The following EXT2 variants were observed in gnomAD, a reference collection of about 807,000 sequenced individuals.
EXT2 encodes exostosin-2.
EXT2 carries 53 observed loss-of-function variants against 81.6 expected under a neutral mutation model. That is an observed-to-expected ratio of 0.65 (90% CI 0.52 to 0.82). The LOEUF is 0.82. Ranked by LOEUF, EXT2 falls within the 40% of genes least tolerant of loss-of-function variation. EXT2 has a pLI of 0.00. For synonymous variants in EXT2, 320 were observed against 340.0 expected (o/e 0.94, Z 0.65); for missense variants, 774 against 910.2 (o/e 0.85, Z 1.93).
chr11:44,136,639 C>T (rs1044419124), intron 7 of EXT2, among the ~76,000 whole-genome samples: 1 of 152,210 alleles, frequency 6.6e-6, no homozygotes, highest in Admixed American at 6.5e-5. Flanking sequence ...GTCTACCATT[C>T]TTATCCACCC....
At chr11:44,226,731 A>G (rs780529180) in intron 10 of EXT2, among the ~76,000 whole-genome samples, 5 of 152,260 alleles carry the variant, frequency 3.3e-5, no homozygotes, top group Admixed American at 2.0e-4. Context: ...CCTGAAGGGA[A>G]GAAGGGCCAC....
At chr11:44,144,273 G>A (rs775789932) in intron 7 of EXT2, 2 of 1,598,296 alleles carry the variant, frequency 1.3e-6, no homozygotes, top group African/African-American at 1.3e-5. Flanking sequence ...CCAGGAGAGA[G>A]AACTGGTCAG....
chr11:44,129,949 ATGT>A (rs1436280476), intron 6 of EXT2, 93 bp from the exon 7 acceptor site: 11 of 929,018 alleles, frequency 1.2e-5, no homozygotes, highest in Middle Eastern at 2.1e-4. Context: ...GAGGTTTGGG[ATGT>A]TGTTTCTGCT....
At position 44,244,374 on chromosome 11, in the gene EXT2, G is replaced by T; in HGVS notation, c.*87G>T. 1 of 1,479,490 alleles carries T rather than the reference G, an allele frequency of 6.8e-7. No homozygotes were observed. Among genetic ancestry groups the T allele is most frequent in the Non-Finnish European group, 9.4e-7 (1 of 1,060,184 alleles). The allele number at this position is 1,479,490 out of a possible 1,614,324, so 91.6% of individuals were successfully genotyped here. A position where few individuals can be genotyped will look rare whatever the true frequency, so the allele number is the denominator to read the frequency against. On this transcript the variant is annotated 3_prime_UTR_variant, in exon 14 of 14. Coordinates refer to ENST00000533608, the MANE Select transcript of EXT2 (RefSeq NM_207122.2). ...CAGCACTCTGATGTCAGAGTAGTAG[G>T]TTAAGGGTGGAAGGTTGACCTACTT...
At chr11:44,243,932 C>A (rs557908595) in intron 13 of EXT2, among the ~76,000 whole-genome samples, 3 of 152,238 alleles carry the variant, frequency 2.0e-5, no homozygotes, top group South Asian at 4.2e-4. Flanking sequence ...AACTAATAGT[C>A]CAAGTACCCC....
At chr11:44,149,661 C>T (rs1010686718) in intron 7 of EXT2, among the ~76,000 whole-genome samples, 8 of 152,160 alleles carry the variant, frequency 5.3e-5, no homozygotes, top group African/African-American at 7.2e-5. Flanking sequence ...TTGTCATTAA[C>T]GAATATATGC....
At chr11:44,141,115 G>A (rs1289211862) in intron 7 of EXT2, among the ~76,000 whole-genome samples, 6 of 152,286 alleles carry the variant, frequency 3.9e-5, no homozygotes, top group African/African-American at 1.4e-4. Context: ...ACTCAAGGAT[G>A]CTCAAGTCTC....
In EXT2 at chr11:44,248,984, G is replaced by GTT. The variant is rs374720324; in HGVS notation, c.*4699_*4700dup. Among the ~76,000 whole-genome samples the GTT allele has an allele frequency of 9.4e-4, 143 of 151,824 alleles. 1 individual carries two copies. Among genetic ancestry groups the GTT allele is most frequent in the African/African-American group, 3.4e-3 (139 of 41,358 alleles). ...GTAGAGTTTTTTTGTTTGTTTGTTTGTTTGTTTTTGTTTTTTTTGTTTTTT... is the reference window on the plus strand; with the variant it reads ...GTAGAGTTTTTTTGTTTGTTTGTTTGTTTTTGTTTTTGTTTTTTTTGTTTTTT... On this transcript the variant is annotated 3_prime_UTR_variant, in exon 14 of 14. Transcript: ENST00000533608.
At chr11:44,224,045 A>G (rs987786818) in intron 10 of EXT2, among the ~76,000 whole-genome samples, 4 of 152,182 alleles carry the variant, frequency 2.6e-5, no homozygotes, top group African/African-American at 9.6e-5. Context: ...TCATGTTGTG[A>G]TGTCATACAA....
At chr11:44,200,259 T>A (rs1183247506) in intron 9 of EXT2, among the ~76,000 whole-genome samples, 1 of 151,456 alleles carries the variant, frequency 6.6e-6, no homozygotes, top group African/African-American at 2.4e-5. Context: ...CCATGTCTGC[T>A]GCTGGGAGGA....
chr11:44,096,180 C>G (rs1243163002), intron 1 of EXT2: 1 of 1,409,464 alleles, frequency 7.1e-7, no homozygotes, highest in African/African-American at 1.4e-5. Flanking sequence ...CCGCCCTCCG[C>G]CCTCCGCCGT....
chr11:44,232,262 A>G, intron 10 of EXT2, 91 bp from the exon 11 acceptor site: 1 of 1,551,002 alleles, frequency 6.4e-7, no homozygotes, highest in Admixed American at 1.7e-5. Context: ...GTTTGAACCT[A>G]GGAAGTCTGT....
rs139168483 is a variant in EXT2, at chr11:44,148,708, C to T, written c.1173+18570C>T. 4.2e-3 allele frequency among the ~76,000 whole-genome samples: 633 copies of T among 152,268 alleles called. 4 individuals are homozygous for T. Among genetic ancestry groups the T allele is most frequent in the Non-Finnish European group, 6.0e-3 (407 of 68,014 alleles). ...ATATTTATTGAGCACCTGCTTTGTTCGGGTATAGTTCTGAGTGCTATAGAT... is the reference window on the plus strand; with the variant it reads ...ATATTTATTGAGCACCTGCTTTGTTTGGGTATAGTTCTGAGTGCTATAGAT... On this transcript the variant is annotated intron_variant, in intron 7 of 13. Coordinates refer to ENST00000533608, the MANE Select transcript of EXT2 (RefSeq NM_207122.2).
intron 7 of EXT2, among the ~76,000 whole-genome samples, chr11:44,141,332 C>T (rs1954643109): frequency 6.6e-6 from 1 of 152,010 alleles, no homozygotes; most frequent in Admixed American, 6.6e-5. Flanking sequence ...TATTTTTGAT[C>T]TGTGATTGGT....
At chr11:44,119,169 T>TAC (rs1555004305) in intron 4 of EXT2, among the ~76,000 whole-genome samples, 1,156 of 62,320 alleles carry the variant, frequency 0.019, 39 homozygotes, top group Middle Eastern at 0.025. Flanking sequence ...TATATATATA[T>TAC]ACACATACAC....
chr11:44,243,618 C>CTTTTTTTTTTTTTTTTTTTTT (rs1215047805), intron 13 of EXT2, among the ~76,000 whole-genome samples: 4 of 72,904 alleles, frequency 5.5e-5, no homozygotes, highest in Admixed American at 1.6e-4. Flanking sequence ...GCCCTGTCAC[C>CTTTTTTTTTTTTTTTTTTTTT]TTTTTTTTTT....
At chr11:44,221,179 A>G (rs1471475134) in intron 10 of EXT2, among the ~76,000 whole-genome samples, 2 of 152,148 alleles carry the variant, frequency 1.3e-5, no homozygotes, top group African/African-American at 4.8e-5. Context: ...GAAGACCCCC[A>G]TTCCAAATAA....
At chr11:44,191,801 C>T (rs1411158426) in intron 8 of EXT2, among the ~76,000 whole-genome samples, 1 of 152,120 alleles carries the variant, frequency 6.6e-6, no homozygotes, top group Non-Finnish European at 1.5e-5. Flanking sequence ...GAAGGTAACA[C>T]CCCAATTAAA....
At chr11:44,101,731 G>A (rs1463926329) in intron 1 of EXT2, among the ~76,000 whole-genome samples, 7 of 152,150 alleles carry the variant, frequency 4.6e-5, no homozygotes, top group African/African-American at 1.2e-4. Context: ...TGTGAAACTA[G>A]GTTCCCAAGT....
Sources: allele counts gnomAD v4.1 joint callset (sites outside exome capture counted in the v4.1 genomes callset), GRCh38; gene constraint gnomAD v4.1.1; transcripts MANE v1.5; gene names NCBI Gene and HGNC (gene_info 2026-07-23, HGNC 2026-07-21).